Variants in STEAP2 observed in about 807,000 individuals in gnomAD.
STEAP2 encodes metalloreductase STEAP2.
Under a neutral mutation model 46.4 loss-of-function variants are expected in STEAP2, and 30 were observed. The ratio of observed to expected loss-of-function variants is 0.65; its 90% CI spans 0.48 to 0.88. STEAP2 has a LOEUF of 0.88. Ranked by LOEUF, STEAP2 falls within the 40% of genes least tolerant of loss-of-function variation. STEAP2 has a pLI of 0.00. For missense variants in STEAP2, 513 were observed against 579.3 expected, an observed-to-expected ratio of 0.89 and a Z score of 1.18; for synonymous variants, 180 against 200.5, an observed-to-expected ratio of 0.90 and a Z score of 0.86.
chr7:90,223,777 A>C (rs569720485), intron 2 of STEAP2, among the ~76,000 whole-genome samples: 1 of 152,318 alleles, frequency 6.6e-6, no homozygotes, highest in African/African-American at 2.4e-5. Flanking sequence ...TGTAGGGTGA[A>C]TGATAGAAGT....
At chr7:90,238,804 A>C (rs1796024950), downstream of STEAP2, among the ~76,000 whole-genome samples, 1 of 152,210 alleles carries the variant, frequency 6.6e-6, no homozygotes, top group African/African-American at 2.4e-5. Context: ...CAAGAGACAA[A>C]TGATGACTTT....
rs1354602836 is a variant in STEAP2 at position 90,212,325 on chromosome 7, A to T, written c.-147+280A>T. Reference sequence around the variant, plus strand: ...GGCCCAGGAGAAAGAAGGCAAGGAGACATTGTCCCAGGTAGGATGTGTCCC... The same window carrying T: ...GGCCCAGGAGAAAGAAGGCAAGGAGTCATTGTCCCAGGTAGGATGTGTCCC... On this transcript the variant is annotated intron_variant, in intron 1 of 5. Transcript: ENST00000394621. 3 of 152,792 alleles carry T rather than the reference A, an allele frequency of 2.0e-5. No homozygotes were observed. The East Asian group carries it at 5.8e-4, about 29-fold the overall frequency. The allele number at this position is 152,792 out of a possible 1,614,324, so 9.5% of individuals were successfully genotyped here.
At chr7:90,217,278 C>G (rs1297220295) in intron 2 of STEAP2, among the ~76,000 whole-genome samples, 5 of 152,192 alleles carry the variant, frequency 3.3e-5, no homozygotes, top group Non-Finnish European at 7.3e-5. Context: ...CAAGTCATCT[C>G]TTCTAGCTAC....
chr7:90,231,165 G>A (rs932204148), intron 5 of STEAP2, among the ~76,000 whole-genome samples: 2 of 151,632 alleles, frequency 1.3e-5, no homozygotes, highest in African/African-American at 2.4e-5. Flanking sequence ...ATAATTTAGC[G>A]AACTAAAGAA....
Position 90,225,327 on chromosome 7 carries a change from C to T in STEAP2, c.245C>T (p.Ala82Val), listed in dbSNP as rs755884293. The stretch of plus-strand genomic sequence containing the variant: ...GTAGATGTCACTCATCATGAAGATG[C>T]TCTCACAAAAACAAATATAATATTT... ...HVVDVTHHEDALTKTNIIFVA... is the reference protein window; with the variant it reads ...HVVDVTHHEDVLTKTNIIFVA... Residue 82 changes from alanine (A) to valine (V), a missense_variant, in exon 3 of 6, where the codon GCT becomes GTT. Ala to Val is a moderately conservative substitution (Grantham distance 64, BLOSUM62 0). Transcript: ENST00000394621. 2.5e-6 allele frequency: 4 copies of T among 1,613,802 alleles called. No homozygotes were observed. The South Asian group carries it at 3.3e-5, about 13-fold the overall frequency.
chr7:90,227,503 T>C lies in STEAP2; in HGVS notation c.1020+5T>C. 1 of 1,542,982 alleles carries C rather than the reference T, an allele frequency of 6.5e-7. No individual in the cohort carries two copies. The highest frequency in any genetic ancestry group is 2.3e-5 in the East Asian group (1 of 43,866). On this transcript the variant is annotated splice_donor_5th_base_variant and intron_variant, in intron 4 of 5. Transcript: ENST00000394621. The stretch of plus-strand genomic sequence containing the variant: ...CTCAACATGGCTTATCAGCAGGTAC[T>C]GAATGTGCTTGTTATTTATCTGATG...
At chr7:90,228,432 T>C (rs1189294181) in intron 4 of STEAP2, among the ~76,000 whole-genome samples, 1 of 152,106 alleles carries the variant, frequency 6.6e-6, no homozygotes, top group African/African-American at 2.4e-5. Flanking sequence ...AATGGGATAC[T>C]AAGGCTTTTA....
intron 1 of STEAP2, among the ~76,000 whole-genome samples, chr7:90,214,329 A>C (rs527763615): frequency 5.3e-4 from 81 of 152,224 alleles, no homozygotes; most frequent in African/African-American, 1.7e-3. Context: ...TTTCCAGGCG[A>C]ATGGGACCAG....
rs906441318 is a variant in STEAP2 at position 90,223,733 on chromosome 7, G to A, written c.-33-1317G>A. 5.9e-5 allele frequency among the ~76,000 whole-genome samples: 9 copies of A among 152,094 alleles called. No homozygotes were observed. In the South Asian group the frequency reaches 6.2e-4, roughly 11 times the overall value. ...ACATGTTACTAATCCTTTTTCCATA[G>A]GTAAGCTATCTTTCTCAATGATACA... On this transcript the variant is annotated intron_variant, in intron 2 of 5. Transcript: ENST00000394621.
chr7:90,227,581 C>A, intron 4 of STEAP2, 83 bp downstream of exon 4: 2 of 1,279,352 alleles, frequency 1.6e-6, no homozygotes, highest in Non-Finnish European at 2.1e-6. Flanking sequence ...ATTTTACATG[C>A]CCTGTAATGG....
chr7:90,235,611 C>T lies in STEAP2; in HGVS notation c.*2987C>T. On this transcript the variant is annotated 3_prime_UTR_variant, in exon 6 of 6. Transcript: ENST00000394621. ...GTAGAAAAGATACTCAGTCTTAATC[C>T]TATGCAAAAAAAAAAATCAAGTAAT... 1.1e-6 allele frequency: 1 copy of T among 932,032 alleles called. No homozygotes were observed. The highest frequency in any genetic ancestry group is 1.2e-6 in the Non-Finnish European group (1 of 805,396). The allele number at this position is 932,032 out of a possible 1,614,324, so 57.7% of individuals were successfully genotyped here.
chr7:90,213,835 G>C (rs1237093614), intron 1 of STEAP2: 2 of 152,146 alleles, frequency 1.3e-5, no homozygotes, highest in Admixed American at 6.5e-5. Context: ...CTATAGAGAT[G>C]GAACAGTATA....
chr7:90,229,070 A>C (rs1161613381), intron 4 of STEAP2, among the ~76,000 whole-genome samples: 1 of 152,190 alleles, frequency 6.6e-6, no homozygotes, highest in Non-Finnish European at 1.5e-5. Context: ...TAAATCAAAA[A>C]TTTCAGCTGA....
Position 90,227,468 on chromosome 7 carries a change from A to G in STEAP2, c.990A>G (p.Arg330=). The G allele has an allele frequency of 6.3e-7, 1 of 1,590,778 alleles. No homozygotes were observed. Among genetic ancestry groups the G allele is most frequent in the Non-Finnish European group, 8.6e-7 (1 of 1,163,196 alleles). The change falls in exon 4 of 6, where the codon AGA becomes AGG. Residue 330 remains arginine, a synonymous_variant. Coordinates refer to ENST00000394621, the MANE Select transcript of STEAP2 (RefSeq NM_001244944.2). The part of the protein sequence containing the change: ...SLCLPMRRSE[R]YLFLNMAYQQ... ...GCTTACCGATGAGAAGGTCAGAGAG[A>G]TATTTGTTTCTCAACATGGCTTATC...
In STEAP2 at chr7:90,227,400, C is replaced by T. The variant is rs765811351; in HGVS notation, c.922C>T (p.Leu308=). 1 of 1,612,904 alleles carries T rather than the reference C, an allele frequency of 6.2e-7. No individual in the cohort carries two copies. Among genetic ancestry groups the T allele is most frequent in the East Asian group, 2.2e-5 (1 of 44,844 alleles). ...ACAGTGTAGAAAACAGCTTGGATTA[C>T]TAAGTTTTTTCTTCGCTATGGTCCA... ...WLQCRKQLGL[L]SFFFAMVHVA... is the part of the protein sequence containing the mutation. Residue 308 remains leucine, a synonymous_variant, in exon 4 of 6, where the codon CTA becomes TTA. Transcript: ENST00000394621.
intron 2 of STEAP2, among the ~76,000 whole-genome samples, chr7:90,220,808 G>C (rs138782615): frequency 2.0e-5 from 3 of 152,114 alleles, no homozygotes; most frequent in Admixed American, 2.0e-4. Context: ...TATCTCATGG[G>C]TTTCAGTGTG....
chr7:90,212,693 C>T (rs1794865425), intron 1 of STEAP2, among the ~76,000 whole-genome samples: 1 of 152,120 alleles, frequency 6.6e-6, no homozygotes, highest in African/African-American at 2.4e-5. Flanking sequence ...ATCTCTCCCA[C>T]CCCGTGGAGA....
chr7:90,217,359 C>A (rs1276647877), intron 2 of STEAP2, among the ~76,000 whole-genome samples: 1 of 151,628 alleles, frequency 6.6e-6, no homozygotes, highest in Admixed American at 6.6e-5. Flanking sequence ...GAACTTACTT[C>A]TTCTAACTGT....
intron 2 of STEAP2, among the ~76,000 whole-genome samples, chr7:90,218,212 A>G (rs1795110005): frequency 1.3e-5 from 2 of 152,120 alleles, no homozygotes; most frequent in Admixed American, 1.3e-4. Context: ...TCTATTCAAT[A>G]GGTGGTCTCT....
Sources: gnomAD v4.1 joint callset for allele counts (sites outside exome capture counted in the v4.1 genomes callset) on GRCh38, gnomAD v4.1.1 for gene constraint, MANE v1.5 for transcripts, NCBI Gene and HGNC (gene_info 2026-07-23, HGNC 2026-07-21) for gene names.